Variants in DNAI1 observed in about 807,000 individuals in gnomAD.
DNAI1 encodes dynein, axonemal, intermediate polypeptide 1.
Under a neutral mutation model 92.0 loss-of-function variants are expected in DNAI1, and 67 were observed. The ratio of observed to expected loss-of-function variants is 0.73; its 90% CI spans 0.60 to 0.89. The LOEUF (loss-of-function observed/expected upper bound fraction) is 0.89. DNAI1 is among the 40% of genes least tolerant of loss of function. The probability of loss-of-function intolerance (pLI) is 0.00; values close to 1 mark genes in which losing one functional copy is unlikely to be tolerated. For synonymous variants in DNAI1, 323 were observed against 319.6 expected (o/e 1.01, Z -0.11); for missense variants, 839 against 866.6 (o/e 0.97, Z 0.40).
chr9:34,478,586 C>T (rs907391841), intron 1 of DNAI1: 1 of 152,240 alleles, frequency 6.6e-6, no homozygotes, highest in Non-Finnish European at 1.5e-5. Context: ...TCACAGTGCT[C>T]ACACTGAAGT....
intron 1 of DNAI1, among the ~76,000 whole-genome samples, chr9:34,466,888 C>A (rs1222207726): frequency 6.6e-6 from 1 of 152,176 alleles, no homozygotes; most frequent in Admixed American, 6.5e-5. Context: ...ACCTCTCTAC[C>A]TCACAAACAT....
chr9:34,492,493 GATATATATATAT>G (rs752863173), intron 8 of DNAI1, among the ~76,000 whole-genome samples: 2,470 of 68,216 alleles, frequency 0.036, 174 homozygotes, highest in African/African-American at 0.047. Flanking sequence ...GGGATATGAA[GATATATATATAT>G]ATATATATAT....
chr9:34,513,315 G>T (rs1366875487), intron 16 of DNAI1, 124 bp downstream of exon 16: 4 of 779,896 alleles, frequency 5.1e-6, no homozygotes, highest in Non-Finnish European at 9.2e-6. Flanking sequence ...AAGGCCTCTT[G>T]AGGGAAGAGA....
chr9:34,485,432 C>T lies in DNAI1; in HGVS notation c.181-5C>T, dbSNP rs2132057646. The T allele has an allele frequency of 1.9e-6, 3 of 1,614,086 alleles. No homozygotes were observed. The highest frequency in any genetic ancestry group is 2.5e-6 in the Non-Finnish European group (3 of 1,180,014). On this transcript the variant is annotated splice_region_variant and splice_polypyrimidine_tract_variant and intron_variant, in intron 3 of 19. Transcript: ENST00000242317. ...TATGACCCTCTTGGTATTTTTCTCC[C>T]TCAGGAGTTAAAGGAGGAGTTCACT...
At chr9:34,467,301 A>C (rs903648886) in intron 1 of DNAI1, among the ~76,000 whole-genome samples, 1 of 152,154 alleles carries the variant, frequency 6.6e-6, no homozygotes, top group Non-Finnish European at 1.5e-5. Context: ...AATGAATTTT[A>C]AAATACAGCA....
chr9:34,504,073 C>T (rs914932323), intron 12 of DNAI1, among the ~76,000 whole-genome samples: 1 of 152,146 alleles, frequency 6.6e-6, no homozygotes, highest in Non-Finnish European at 1.5e-5. Context: ...GGTCCTGAGG[C>T]TATCACACAG....
intron 8 of DNAI1, among the ~76,000 whole-genome samples, chr9:34,492,256 A>C (rs557856215): frequency 6.6e-6 from 1 of 152,056 alleles, no homozygotes; most frequent in East Asian, 1.9e-4. Context: ...TCCAGGTGGC[A>C]GTGACTTCCC....
intron 7 of DNAI1, among the ~76,000 whole-genome samples, chr9:34,490,713 A>C (rs1356360495): frequency 6.6e-6 from 1 of 151,998 alleles, no homozygotes; most frequent in Non-Finnish European, 1.5e-5. Context: ...AGCTCCCAAA[A>C]CTCCACTGGA....
At chr9:34,509,346 C>T (rs1412499883) in intron 13 of DNAI1, among the ~76,000 whole-genome samples, 1 of 152,100 alleles carries the variant, frequency 6.6e-6, no homozygotes, top group Non-Finnish European at 1.5e-5. Flanking sequence ...TTTGAAGCAC[C>T]CTGCACTTAT....
At chr9:34,512,534 C>A in intron 15 of DNAI1, 110 bp downstream of exon 15, 2 of 1,081,248 alleles carry the variant, frequency 1.8e-6, no homozygotes, top group Non-Finnish European at 2.8e-6. Flanking sequence ...CCAACCTGTG[C>A]CAGGGCCTGA....
chr9:34,504,203 G>C (rs908040970), intron 12 of DNAI1, among the ~76,000 whole-genome samples: 2 of 152,196 alleles, frequency 1.3e-5, no homozygotes, highest in African/African-American at 4.8e-5. Flanking sequence ...GTCAGGCTCT[G>C]AGTCCCAGCT....
chr9:34,489,872 G>A, intron 5 of DNAI1, 140 bp from the exon 6 acceptor site: 1 of 1,304,906 alleles, frequency 7.7e-7, no homozygotes, highest in African/African-American at 1.5e-5. Flanking sequence ...CCCAATAGCT[G>A]GTTGTCCTGA....
chr9:34,498,454 C>T (rs989196185), intron 10 of DNAI1, among the ~76,000 whole-genome samples: 6 of 152,218 alleles, frequency 3.9e-5, no homozygotes, highest in Admixed American at 2.0e-4. Context: ...CGCTAGGCTG[C>T]AAAGCCACTG....
At chr9:34,462,718 C>A (rs2132038139) in intron 1 of DNAI1, among the ~76,000 whole-genome samples, 2 of 152,268 alleles carry the variant, frequency 1.3e-5, no homozygotes, top group South Asian at 4.1e-4. Context: ...ATGTTTGTAT[C>A]TGCTTTGGCA....
rs1318402837 is a variant in DNAI1 at position 34,517,353 on chromosome 9, G to A, written c.1887G>A (p.Lys629=). 2 of 1,614,038 alleles carry A rather than the reference G, an allele frequency of 1.2e-6. No homozygotes were observed. Among genetic ancestry groups the A allele is most frequent in the African/African-American group, 1.3e-5 (1 of 74,926 alleles). ...AICNQPVAAK[K]NRLTHVQFNL... ...GCAACCAGCCTGTGGCGGCCAAAAA[G>A]AACAGGCTCACCCACGTGCAGTTCA... The change falls in exon 19 of 20, where the codon AAG becomes AAA. Residue 629 remains lysine, a synonymous_variant. Transcript: ENST00000242317.
At chr9:34,501,361 C>T (rs1472585978) in intron 12 of DNAI1, among the ~76,000 whole-genome samples, 180 bp downstream of exon 12, 1 of 152,234 alleles carries the variant, frequency 6.6e-6, no homozygotes, top group East Asian at 1.9e-4. Flanking sequence ...AAGGAATATT[C>T]TAAGCTGAAT....
chr9:34,514,305 A>G (rs1825128671), intron 16 of DNAI1, 89 bp from the exon 17 acceptor site: 2 of 1,530,218 alleles, frequency 1.3e-6, no homozygotes, highest in Middle Eastern at 1.7e-4. Context: ...TAAGGACAGG[A>G]GTCTAAGGCT....
At chr9:34,479,713 C>G (rs1215444448) in intron 1 of DNAI1, among the ~76,000 whole-genome samples, 1 of 152,128 alleles carries the variant, frequency 6.6e-6, no homozygotes, top group East Asian at 1.9e-4. Flanking sequence ...GGATCAGAGG[C>G]TCTCCAAAGG....
At chr9:34,518,325 T>C (rs1223399866) in intron 19 of DNAI1, among the ~76,000 whole-genome samples, 1 of 152,260 alleles carries the variant, frequency 6.6e-6, no homozygotes, top group African/African-American at 2.4e-5. Context: ...CTGTCTTCCC[T>C]GCACTGTGCT....
Sources: gnomAD v4.1 joint callset for allele counts (sites outside exome capture counted in the v4.1 genomes callset) on GRCh38, gnomAD v4.1.1 for gene constraint, MANE v1.5 for transcripts, NCBI Gene and HGNC (gene_info 2026-07-23, HGNC 2026-07-21) for gene names.